Variants in LRP1B observed in about 807,000 individuals in gnomAD.
LRP1B encodes LDL receptor related protein 1B.
Under a neutral mutation model 556.6 loss-of-function variants are expected in LRP1B, and 217 were observed. That is an observed-to-expected ratio of 0.39 (90% confidence interval 0.35 to 0.44). The LOEUF (loss-of-function observed/expected upper bound fraction) is 0.44. Among genes scored for constraint, LRP1B ranks in the 20% least tolerant of loss-of-function variants. LRP1B has a pLI of 1.00. For missense variants in LRP1B, 5,053 were observed against 5,620.8 expected (o/e 0.90, Z 3.23); for synonymous variants, 2,047 against 1,865.8 (o/e 1.10, Z -2.50).
intron 6 of LRP1B, among the ~76,000 whole-genome samples, chr2:141,214,912 G>T (rs1682728904): frequency 6.6e-6 from 1 of 152,148 alleles, no homozygotes; most frequent in South Asian, 2.1e-4. Context: ...ATTTGGCATG[G>T]TCACTCAGCC....
chr2:141,547,824 G>A (rs561551454), intron 2 of LRP1B, among the ~76,000 whole-genome samples: 3 of 152,026 alleles, frequency 2.0e-5, no homozygotes, highest in East Asian at 1.9e-4. Flanking sequence ...TATAGTAAGT[G>A]TGGATACAAA....
At chr2:141,021,325 A>G (rs1011939670) in intron 11 of LRP1B, among the ~76,000 whole-genome samples, 3 of 152,050 alleles carry the variant, frequency 2.0e-5, no homozygotes, top group Non-Finnish European at 2.9e-5. Flanking sequence ...ATGTGTTGTG[A>G]TTCAGAATGA....
intron 13 of LRP1B, among the ~76,000 whole-genome samples, chr2:141,013,972 A>T (rs1235037711): frequency 6.6e-6 from 1 of 152,060 alleles, no homozygotes; most frequent in Non-Finnish European, 1.5e-5. Context: ...TTTATTATTT[A>T]TTATTAAACC....
rs1683001038 is a variant in LRP1B, at chr2:140,609,727, A to C, written c.6800-8088T>G. Among the ~76,000 whole-genome samples, 3 of 152,114 alleles carry C rather than the reference A, an allele frequency of 2.0e-5. No homozygotes were observed. In the South Asian group the frequency reaches 6.2e-4, roughly 32 times the overall value. On this transcript the variant is annotated intron_variant, in intron 41 of 90. Transcript: ENST00000389484. ...AATTTTATGCCAAAAACGTATGTTG[A>C]GTGTTTCCATTTTGTTTTCCCTTTC...
At chr2:141,669,990 T>C (rs771601586) in intron 2 of LRP1B, among the ~76,000 whole-genome samples, 6 of 152,080 alleles carry the variant, frequency 3.9e-5, no homozygotes, top group Non-Finnish European at 7.4e-5. Flanking sequence ...CCTGACCTCA[T>C]GATCTGCCCA....
chr2:140,439,123 T>G (rs1686314860), intron 66 of LRP1B, among the ~76,000 whole-genome samples: 1 of 152,210 alleles, frequency 6.6e-6, no homozygotes, highest in African/African-American at 2.4e-5. Context: ...TCTGTCAAAT[T>G]CTTAAATATT....
intron 2 of LRP1B, among the ~76,000 whole-genome samples, chr2:141,602,664 A>T (rs1419809650): frequency 1.3e-5 from 2 of 152,172 alleles, no homozygotes; most frequent in Non-Finnish European, 1.5e-5. Context: ...GTACCTGTTC[A>T]GTTCTCCTCT....
At chr2:140,972,885 C>A (rs1219246465) in intron 18 of LRP1B, among the ~76,000 whole-genome samples, 2 of 149,832 alleles carry the variant, frequency 1.3e-5, no homozygotes, top group Admixed American at 1.3e-4. Context: ...ACTATTTGGT[C>A]ATAAATGAAA....
Position 140,501,782 on chromosome 2 carries a change from C to T in LRP1B, c.8755G>A (p.Gly2919Ser), listed in dbSNP as rs2104891309. Residue 2919 changes from glycine (G) to serine (S), a missense_variant, in exon 55 of 91, where the codon GGT (glycine) becomes AGT (serine). Coordinates refer to ENST00000389484, the MANE Select transcript of LRP1B (RefSeq NM_018557.3). ...LCDNKDDCGD[G>S]SDERNCHINE... The stretch of plus-strand genomic sequence containing the variant: ...ATATGGCAGTTTCTCTCATCTGAAC[C>T]ATCGCCACAGTCATCCTTATTGTCG... 2 of 1,612,948 alleles carry T rather than the reference C, an allele frequency of 1.2e-6. No homozygotes were observed. Among genetic ancestry groups the T allele is most frequent in the Non-Finnish European group, 1.7e-6 (2 of 1,179,282 alleles).
At chr2:140,289,182 A>G (rs1683276070) in intron 84 of LRP1B, among the ~76,000 whole-genome samples, 2 of 152,018 alleles carry the variant, frequency 1.3e-5, no homozygotes, top group African/African-American at 4.8e-5. Flanking sequence ...GTTTAATTTT[A>G]TAAACATGCT....
intron 59 of LRP1B, among the ~76,000 whole-genome samples, chr2:140,479,038 G>A (rs1036633532): frequency 2.0e-5 from 3 of 151,732 alleles, no homozygotes; most frequent in East Asian, 2.0e-4. Flanking sequence ...TTAAGTATTC[G>A]TCAAGCAGAA....
chr2:141,493,019 A>C (rs1427284599), intron 2 of LRP1B, among the ~76,000 whole-genome samples: 1 of 152,130 alleles, frequency 6.6e-6, no homozygotes, highest in Non-Finnish European at 1.5e-5. Flanking sequence ...TTTATTGAGT[A>C]CTTCCTATGT....
chr2:141,810,679 G>A (rs192083547), intron 1 of LRP1B, among the ~76,000 whole-genome samples: 55 of 152,106 alleles, frequency 3.6e-4, no homozygotes, highest in African/African-American at 1.2e-3. Context: ...GGGCTTTATC[G>A]GATCAAAGAT....
At chr2:141,775,174 C>G (rs1558867442) in intron 2 of LRP1B, among the ~76,000 whole-genome samples, 1 of 152,202 alleles carries the variant, frequency 6.6e-6, no homozygotes, top group Non-Finnish European at 1.5e-5. Flanking sequence ...GAGTATTGTG[C>G]CTAGCACATA....
intron 66 of LRP1B, among the ~76,000 whole-genome samples, chr2:140,432,901 A>C (rs2105286350): frequency 6.6e-6 from 1 of 152,334 alleles, no homozygotes; most frequent in Non-Finnish European, 1.5e-5. Context: ...TCAGAAACTA[A>C]TTACCAAGAA....
Position 141,096,621 on chromosome 2 carries a change from G to GAGAGAGA in LRP1B, c.1014-34349_1014-34348insTCTCTCT, listed in dbSNP as rs1558857992. ...ACCCTAGCCTGAATGACAAAGACGG[G>GAGAGAGA]GAGAGGGGGAGAGAGAGAGAGAGAG... is the stretch of plus-strand genomic sequence containing the variant. On this transcript the variant is annotated intron_variant, in intron 7 of 90. Coordinates refer to ENST00000389484, the MANE Select transcript of LRP1B (RefSeq NM_018557.3). Among the ~76,000 whole-genome samples the GAGAGAGA allele has an allele frequency of 2.9e-3, 117 of 39,924 alleles. 7 individuals are homozygous for GAGAGAGA. Among genetic ancestry groups the GAGAGAGA allele is most frequent in the South Asian group, 0.012 (11 of 886 alleles). The allele number at this position is 39,924 out of a possible 152,430, so 26.2% of individuals were successfully genotyped here. A position where few individuals can be genotyped will look rare whatever the true frequency, so the allele number is the denominator to read the frequency against.
At chr2:140,851,850 A>T (rs190813135) in intron 27 of LRP1B, 67 bp from the exon 28 acceptor site, 3 of 1,457,948 alleles carry the variant, frequency 2.1e-6, no homozygotes, top group East Asian at 4.7e-5. Context: ...TCTGAGGTTG[A>T]CAGGGGTTAT....
At chr2:140,469,670 T>C (rs1221748422) in intron 60 of LRP1B, among the ~76,000 whole-genome samples, 1 of 152,202 alleles carries the variant, frequency 6.6e-6, no homozygotes, top group Non-Finnish European at 1.5e-5. Context: ...AGATTTCAGG[T>C]ATGGATTCAA....
intron 35 of LRP1B, among the ~76,000 whole-genome samples, chr2:140,734,412 G>T (rs12467677): frequency 0.013 from 1,909 of 152,298 alleles, 80 homozygotes; most frequent in Admixed American, 0.071. Flanking sequence ...AGTCAGAAAT[G>T]AGGTTGGAGG....
Sources: allele counts gnomAD v4.1 joint callset (sites outside exome capture counted in the v4.1 genomes callset), GRCh38; gene constraint gnomAD v4.1.1; transcripts MANE v1.5; gene names NCBI Gene and HGNC (gene_info 2026-07-23, HGNC 2026-07-21).